Variants in IL6ST observed in about 807,000 individuals in gnomAD.
IL6ST encodes interleukin 6 cytokine family signal transducer, also known as interleukin-6 receptor subunit beta.
A neutral mutation model predicts 91.3 loss-of-function variants in IL6ST; 24 were observed. That is an observed-to-expected ratio of 0.26 (90% CI 0.19 to 0.37). The LOEUF is 0.37. Ranked by LOEUF, IL6ST falls within the 10% of genes least tolerant of loss-of-function variation. IL6ST has a pLI of 1.00. For synonymous variants in IL6ST, 351 were observed against 373.6 expected (o/e 0.94, Z 0.70); for missense variants, 914 against 1,078.5 (o/e 0.85, Z 2.14).
intron 1 of IL6ST, among the ~76,000 whole-genome samples, chr5:55,990,330 C>G (rs1205002845): frequency 6.6e-6 from 1 of 151,934 alleles, no homozygotes; most frequent in Non-Finnish European, 1.5e-5. Context: ...CTATATATAT[C>G]ACAAGTGTTT....
intron 5 of IL6ST, among the ~76,000 whole-genome samples, chr5:55,965,497 A>G (rs1333168302): frequency 1.3e-5 from 2 of 152,198 alleles, no homozygotes; most frequent in Non-Finnish European, 2.9e-5. Context: ...AAAAATCTAA[A>G]AAATCTAAAA....
intron 3 of IL6ST, among the ~76,000 whole-genome samples, chr5:55,971,656 CA>C (rs1029898256): frequency 1.2e-4 from 18 of 151,672 alleles, no homozygotes; most frequent in African/African-American, 2.4e-5. Flanking sequence ...CCCATCTCTA[CA>C]AAAAAAATAT....
At chr5:55,954,112 AT>A (rs1336594486) in intron 11 of IL6ST, among the ~76,000 whole-genome samples, 2 of 152,216 alleles carry the variant, frequency 1.3e-5, no homozygotes, top group African/African-American at 4.8e-5. Flanking sequence ...CTGTACACTA[AT>A]AACATGTAAG....
At position 55,938,514 on chromosome 5, in the gene IL6ST, T is replaced by C. The variant is rs765289031; in HGVS notation, c.*2568A>G. ...ATTTTATAACCCTAAAGGGAGCAAC[T>C]GCAGGTGCAGAAGCAGTGAGTGAAC... On this transcript the variant is annotated 3_prime_UTR_variant, in exon 17 of 17. Transcript: ENST00000381298. 5.0e-6 allele frequency: 1 copy of C among 199,140 alleles called. No individual in the cohort carries two copies. The highest frequency in any genetic ancestry group is 1.0e-5 in the Non-Finnish European group (1 of 96,418). 12.3% of individuals were successfully genotyped at this position (199,140 alleles called of 1,614,324 possible). A position where few individuals can be genotyped will look rare whatever the true frequency, so the allele number is the denominator to read the frequency against.
intron 8 of IL6ST, among the ~76,000 whole-genome samples, chr5:55,958,360 A>G (rs1752109072): frequency 6.6e-6 from 1 of 152,226 alleles, no homozygotes; most frequent in Non-Finnish European, 1.5e-5. Context: ...AATGTAGCAT[A>G]TAATTTTTAA....
chr5:55,970,995 C>T (rs148449011), intron 3 of IL6ST, among the ~76,000 whole-genome samples: 3 of 152,248 alleles, frequency 2.0e-5, no homozygotes, highest in African/African-American at 7.2e-5. Flanking sequence ...TTACCTATCA[C>T]CTACTCCACA....
chr5:55,958,004 A>T (rs1752089229), intron 8 of IL6ST, among the ~76,000 whole-genome samples: 1 of 152,250 alleles, frequency 6.6e-6, no homozygotes, highest in South Asian at 2.1e-4. Flanking sequence ...AAATAAGTTT[A>T]TTACTTTATA....
chr5:55,979,622 GC>G (rs1200401440), intron 2 of IL6ST, among the ~76,000 whole-genome samples: 2 of 152,178 alleles, frequency 1.3e-5, no homozygotes, highest in Non-Finnish European at 2.9e-5. Context: ...ATTGGCATAA[GC>G]TTCCCAATAC....
Position 55,938,990 on chromosome 5 carries a change from TAA to T in IL6ST, c.*2090_*2091del, listed in dbSNP as rs770833846. 1.2e-4 allele frequency: 25 copies of T among 205,074 alleles called. No individual in the cohort carries two copies. The highest frequency in any genetic ancestry group is 5.7e-4 in the South Asian group (3 of 5,288). The allele number at this position is 205,074 out of a possible 1,614,324, so 12.7% of individuals were successfully genotyped here. On this transcript the variant is annotated 3_prime_UTR_variant, in exon 17 of 17. Transcript: ENST00000381298. ...ATCCTCCATTCTCATTCCTGTAGATTAAGAGTTCATATTGTATATCTGACCCT... is the reference window on the plus strand; with the variant it reads ...ATCCTCCATTCTCATTCCTGTAGATTGAGTTCATATTGTATATCTGACCCT...
At position 55,938,111 on chromosome 5, in the gene IL6ST, T is replaced by A. The variant is rs1473485176; in HGVS notation, c.*2971A>T. On this transcript the variant is annotated 3_prime_UTR_variant, in exon 17 of 17. Coordinates refer to ENST00000381298, the MANE Select transcript of IL6ST (RefSeq NM_002184.4). Reference sequence around the variant, plus strand: ...AGCTTTAATGAATGTTTTGTAACATTTTAAAGTTGTAACATTTCTAAGTAT... The same window carrying A: ...AGCTTTAATGAATGTTTTGTAACATATTAAAGTTGTAACATTTCTAAGTAT... 1 of 189,566 alleles carries A rather than the reference T, an allele frequency of 5.3e-6. No individual in the cohort carries two copies. Among genetic ancestry groups the A allele is most frequent in the Non-Finnish European group, 1.1e-5 (1 of 90,180 alleles). 11.7% of individuals were successfully genotyped at this position (189,566 alleles called of 1,614,324 possible). A position where few individuals can be genotyped will look rare whatever the true frequency, so the allele number is the denominator to read the frequency against.
chr5:55,940,888 G>A lies in IL6ST; in HGVS notation c.*194C>T, dbSNP rs1750859080. On this transcript the variant is annotated 3_prime_UTR_variant, in exon 17 of 17. Transcript: ENST00000381298. ...TAGTCTGAGGATAAAGTCAGTTTAT[G>A]TAGTGCTTAAAGTAGAATCCCAGAT... 3 of 566,534 alleles carry A rather than the reference G, an allele frequency of 5.3e-6. No homozygotes were observed. The highest frequency in any genetic ancestry group is 5.9e-5 in the East Asian group (2 of 34,144). The allele number at this position is 566,534 out of a possible 1,614,324, so 35.1% of individuals were successfully genotyped here.
rs138167341 is a variant in IL6ST at position 55,979,157 on chromosome 5, T to C, written c.-15-2864A>G. On this transcript the variant is annotated intron_variant, in intron 2 of 16. Coordinates refer to ENST00000381298, the MANE Select transcript of IL6ST (RefSeq NM_002184.4). ...CTGTCATATCAGCACTTTGGGAGGC[T>C]GAGGGGGAAGAATTGCTTGAGGCCA... 9.3e-4 allele frequency among the ~76,000 whole-genome samples: 142 copies of C among 152,134 alleles called. 1 individual carries two copies. Among genetic ancestry groups the C allele is most frequent in the African/African-American group, 3.2e-3 (132 of 41,522 alleles).
rs527667100 is a variant in IL6ST, at chr5:55,991,498, T to G, written c.-104+3286A>C. 2.6e-5 allele frequency among the ~76,000 whole-genome samples: 4 copies of G among 152,270 alleles called. No homozygotes were observed. In the South Asian group the frequency reaches 8.3e-4, roughly 32 times the overall value. ...ACCACAAACTAACCTAATTTGGACA[T>G]TGATCACCTCAATAATTTCAACTGT... On this transcript the variant is annotated intron_variant, in intron 1 of 16. Coordinates refer to ENST00000381298, the MANE Select transcript of IL6ST (RefSeq NM_002184.4).
chr5:55,941,047 G>C lies in IL6ST; in HGVS notation c.*35C>G, dbSNP rs749398428. The C allele has an allele frequency of 1.9e-6, 3 of 1,549,094 alleles. No individual in the cohort carries two copies. The highest frequency in any genetic ancestry group is 4.0e-5 in the Admixed American group (2 of 50,530). On this transcript the variant is annotated 3_prime_UTR_variant, in exon 17 of 17. Transcript: ENST00000381298. ...AAATCATTTTAGCTTTACTTTATAG[G>C]TACTGCTGAAGTTGTAGCAGGAACT... is the stretch of plus-strand genomic sequence containing the variant.
chr5:55,972,985 A>G (rs1293196309), intron 3 of IL6ST, among the ~76,000 whole-genome samples: 1 of 151,814 alleles, frequency 6.6e-6, no homozygotes, highest in Non-Finnish European at 1.5e-5. Flanking sequence ...AGCCTAGGCA[A>G]CGAAACGAGA....
rs539731445 is a variant in IL6ST at position 55,952,555 on chromosome 5, T to TA, written c.1451-205dup. 2.3e-3 allele frequency among the ~76,000 whole-genome samples: 345 copies of TA among 152,330 alleles called. 3 individuals are homozygous for TA. Among genetic ancestry groups the TA allele is most frequent in the African/African-American group, 7.8e-3 (324 of 41,562 alleles). Reference sequence around the variant, plus strand: ...GTAAAAGTATTGCCAATGCAGTGGATAAAAAATACATTGTTAAGAACAATG... The same window carrying TA: ...GTAAAAGTATTGCCAATGCAGTGGATAAAAAAATACATTGTTAAGAACAATG... On this transcript the variant is annotated intron_variant, in intron 11 of 16. Coordinates refer to ENST00000381298, the MANE Select transcript of IL6ST (RefSeq NM_002184.4).
chr5:55,971,197 C>A (rs900677808), intron 3 of IL6ST, among the ~76,000 whole-genome samples: 10 of 152,182 alleles, frequency 6.6e-5, no homozygotes, highest in Admixed American at 2.6e-4. Context: ...GCACCACTCC[C>A]ATCCAGACAT....
intron 14 of IL6ST, chr5:55,948,829 C>T (rs1329840952): frequency 6.6e-6 from 1 of 152,094 alleles, no homozygotes; most frequent in African/African-American, 2.4e-5. Context: ...TTATCCACTA[C>T]TGGTATATTT....
At chr5:55,952,220 T>TC (rs777044753) in intron 12 of IL6ST, 30 bp downstream of exon 12, 1 of 1,555,718 alleles carries the variant, frequency 6.4e-7, no homozygotes, top group Non-Finnish European at 8.8e-7. Flanking sequence ...CCCTAAACTT[T>TC]TTTTTTCAAA....
Sources: gnomAD v4.1 joint callset for allele counts (sites outside exome capture counted in the v4.1 genomes callset) on GRCh38, gnomAD v4.1.1 for gene constraint, MANE v1.5 for transcripts, NCBI Gene and HGNC (gene_info 2026-07-23, HGNC 2026-07-21) for gene names.